The following CDCP1 variants were observed in gnomAD, a reference collection of about 807,000 sequenced individuals.
CDCP1 encodes the protein CUB domain-containing protein 1.
CDCP1 carries 29 observed loss-of-function variants against 60.2 expected under a neutral mutation model. The observed-to-expected ratio is 0.48, with a 90% CI of 0.36 to 0.66. The LOEUF (loss-of-function observed/expected upper bound fraction) is 0.66, where lower values mean the gene tolerates loss of function less well. Ranked by LOEUF, CDCP1 falls within the 30% of genes least tolerant of loss-of-function variation. CDCP1 has a pLI of 0.00. For synonymous variants in CDCP1, 387 were observed against 431.1 expected, an observed-to-expected ratio of 0.90 and a Z score of 1.27; for missense variants, 876 against 1,074.3, an observed-to-expected ratio of 0.82 and a Z score of 2.58.
chr3:45,090,475 C>A (rs17077257), intron 7 of CDCP1, among the ~76,000 whole-genome samples: 2 of 152,204 alleles, frequency 1.3e-5, no homozygotes, highest in African/African-American at 4.8e-5. Flanking sequence ...ACCTGTCAGA[C>A]TTTTCAGGTC....
chr3:45,086,200 C>G (rs1698191315), intron 8 of CDCP1, 133 bp from the exon 9 acceptor site: 2 of 778,030 alleles, frequency 2.6e-6, no homozygotes, highest in Non-Finnish European at 4.2e-6. Context: ...TCAGATTGCT[C>G]AGCATTTGAA....
At chr3:45,128,648 A>T (rs545340268) in intron 1 of CDCP1, among the ~76,000 whole-genome samples, 1 of 152,230 alleles carries the variant, frequency 6.6e-6, no homozygotes, top group South Asian at 2.1e-4. Flanking sequence ...ACATTCATTC[A>T]CTCCCTACTC....
intron 7 of CDCP1, among the ~76,000 whole-genome samples, chr3:45,090,425 G>A (rs1261467630): frequency 6.6e-6 from 1 of 152,172 alleles, no homozygotes; most frequent in Non-Finnish European, 1.5e-5. Flanking sequence ...GGTATTTCAT[G>A]GATTCCAACG....
chr3:45,108,722 TAC>T (rs1449669370), intron 4 of CDCP1, among the ~76,000 whole-genome samples: 4 of 136,038 alleles, frequency 2.9e-5, no homozygotes, highest in South Asian at 2.3e-4. Context: ...TATGCATGTA[TAC>T]ATATATATAT....
chr3:45,092,414 C>T (rs6441888), intron 6 of CDCP1, among the ~76,000 whole-genome samples: 89,121 of 151,936 alleles, frequency 0.59, 27,033 homozygotes, highest in Middle Eastern at 0.75. Context: ...GCTCCTGACA[C>T]GTCAACTAAT....
chr3:45,142,684 A>G (rs1699311540), intron 1 of CDCP1, among the ~76,000 whole-genome samples: 1 of 151,898 alleles, frequency 6.6e-6, no homozygotes, highest in African/African-American at 2.4e-5. Flanking sequence ...CTTCCAGAAC[A>G]TGGAAATACG....
intron 1 of CDCP1, among the ~76,000 whole-genome samples, chr3:45,138,127 G>A (rs975650786): frequency 6.6e-6 from 1 of 152,210 alleles, no homozygotes; most frequent in Non-Finnish European, 1.5e-5. Context: ...CAATTAAGTT[G>A]TTATAAAACT....
At chr3:45,111,505 G>T (rs749058867) in intron 3 of CDCP1, among the ~76,000 whole-genome samples, 1 of 151,968 alleles carries the variant, frequency 6.6e-6, no homozygotes, top group African/African-American at 2.4e-5. Flanking sequence ...GTGAAACCCC[G>T]TATCTACTAA....
At chr3:45,128,869 C>T (rs906831391) in intron 1 of CDCP1, among the ~76,000 whole-genome samples, 14 of 152,198 alleles carry the variant, frequency 9.2e-5, no homozygotes, top group African/African-American at 3.4e-4. Flanking sequence ...AGGTGCCCGC[C>T]ACCATGCCTG....
intron 5 of CDCP1, among the ~76,000 whole-genome samples, chr3:45,094,696 T>C (rs1343521748): frequency 1.7e-5 from 1 of 57,590 alleles, no homozygotes; most frequent in African/African-American, 7.0e-5. Context: ...GCAGTGAGTG[T>C]GGAAGTGGGG....
intron 2 of CDCP1, among the ~76,000 whole-genome samples, chr3:45,117,433 T>C (rs1399440420): frequency 1.3e-5 from 2 of 152,184 alleles, no homozygotes; most frequent in Admixed American, 1.3e-4. Flanking sequence ...ACTAGAAAAC[T>C]AAGGCATTAC....
At chr3:45,146,151 G>A in intron 1 of CDCP1, 55 bp downstream of exon 1, 1 of 1,483,586 alleles carries the variant, frequency 6.7e-7, no homozygotes, top group Non-Finnish European at 9.1e-7. Flanking sequence ...CCGGGCGTCC[G>A]CTGGCTGGCT....
intron 1 of CDCP1, among the ~76,000 whole-genome samples, chr3:45,123,893 G>A (rs1698928895): frequency 1.3e-5 from 2 of 152,140 alleles, no homozygotes; most frequent in Non-Finnish European, 1.5e-5. Flanking sequence ...GGGCTGAAAG[G>A]CATCCAAGCT....
chr3:45,087,956 A>G (rs1698226954), intron 8 of CDCP1, among the ~76,000 whole-genome samples: 1 of 151,498 alleles, frequency 6.6e-6, no homozygotes, highest in African/African-American at 2.4e-5. Context: ...CGGGAGGCGG[A>G]GGTTGCGGTG....
intron 8 of CDCP1, among the ~76,000 whole-genome samples, chr3:45,087,267 C>T (rs1177212409): frequency 6.6e-6 from 1 of 152,202 alleles, no homozygotes; most frequent in African/African-American, 2.4e-5. Context: ...ATTCTCACTG[C>T]ACAACCTGTC....
intron 1 of CDCP1, among the ~76,000 whole-genome samples, chr3:45,122,642 G>A (rs1438200372): frequency 7.0e-6 from 1 of 143,152 alleles, no homozygotes; most frequent in Admixed American, 7.0e-5. Context: ...GTAGTAAAGA[G>A]GGGGTTTCAC....
intron 1 of CDCP1, 96 bp downstream of exon 1, chr3:45,146,110 C>T: frequency 8.5e-7 from 1 of 1,181,596 alleles, no homozygotes; most frequent in Non-Finnish European, 1.2e-6. Context: ...TCCGCACCCT[C>T]CGCACCCTGC....
intron 1 of CDCP1, among the ~76,000 whole-genome samples, chr3:45,131,080 C>T (rs1203208312): frequency 1.3e-5 from 2 of 151,582 alleles, no homozygotes; most frequent in African/African-American, 4.8e-5. Context: ...CCTATGTTGC[C>T]CAGGTTGGTT....
At chr3:45,125,863 A>G (rs1698971908) in intron 1 of CDCP1, among the ~76,000 whole-genome samples, 1 of 152,230 alleles carries the variant, frequency 6.6e-6, no homozygotes. Context: ...ATCATTGGCT[A>G]TTAATAGGCC....
Sources: allele counts gnomAD v4.1 joint callset (sites outside exome capture counted in the v4.1 genomes callset), GRCh38; gene constraint gnomAD v4.1.1; transcripts MANE v1.5; gene names NCBI Gene and HGNC (gene_info 2026-07-23, HGNC 2026-07-21).